Variants in DDX39A observed in about 807,000 individuals in gnomAD.
The protein encoded by DDX39A is ATP-dependent RNA helicase DDX39A.
A neutral mutation model predicts 46.3 loss-of-function variants in DDX39A; 13 were observed. The observed-to-expected ratio is 0.28, with a 90% CI of 0.18 to 0.45. The LOEUF is 0.45. Among genes scored for constraint, DDX39A ranks in the 20% least tolerant of loss-of-function variants. DDX39A has a pLI of 1.00. For missense variants in DDX39A, 352 were observed against 581.8 expected (o/e 0.61, Z 4.06); for synonymous variants, 234 against 224.6 (o/e 1.04, Z -0.38).
rs770362905 is a variant in DDX39A, at chr19:14,409,486, TGG to T, written c.975-41_975-40del. The T allele has an allele frequency of 1.9e-6, 3 of 1,612,072 alleles. No homozygotes were observed. The highest frequency in any genetic ancestry group is 2.5e-6 in the Non-Finnish European group (3 of 1,179,472). On this transcript the variant is annotated intron_variant, in intron 8 of 10. Coordinates refer to ENST00000242776, the MANE Select transcript of DDX39A (RefSeq NM_005804.4). The surrounding 1 kb of genome is among the most constrained non-coding windows in gnomAD (Gnocchi z 8.3). ...GAAACAAGTGGAGGCCGTCAGACAC[TGG>T]GCTCCTGGTGGTGCTCCCTGCAGCC...
At position 14,410,529 on chromosome 19, in the gene DDX39A, G is replaced by A. The variant is rs1976539172; in HGVS notation, c.614-195C>T. ...GTGGCCAGCGAGCGCAGGCGCGGGA[G>A]GAGCTGCAATCCACTTACACGCTGG... On this transcript the variant is annotated intron_variant, in intron 5 of 10. Transcript: ENST00000242776. The surrounding 1 kb of genome is among the most constrained non-coding windows in gnomAD (Gnocchi z 4.3). The A allele has an allele frequency of 3.3e-6, 2 of 602,520 alleles. No homozygotes were observed. The highest frequency in any genetic ancestry group is 3.0e-6 in the Non-Finnish European group (1 of 335,304). The allele number at this position is 602,520 out of a possible 1,614,324, so 37.3% of individuals were successfully genotyped here.
chr19:14,418,490 C>T (rs1032129143), intron 1 of DDX39A, among the ~76,000 whole-genome samples: 2 of 152,144 alleles, frequency 1.3e-5, no homozygotes, highest in Non-Finnish European at 2.9e-5. Flanking sequence ...CAGAATCTCG[C>T]TCTGTCACCC....
rs1278011473 is a variant in DDX39A, at chr19:14,410,029, C to T, written c.733-156G>A. On this transcript the variant is annotated intron_variant, in intron 6 of 10. Coordinates refer to ENST00000242776, the MANE Select transcript of DDX39A (RefSeq NM_005804.4). This position sits in a 1 kb window ranked among gnomAD's most constrained non-coding sequence, Gnocchi z 4.3. ...ACATCGCTCAAAAGCTGGATGTAAG[C>T]TCTGGCCCGACTCAGGTGTGGACCA... is the stretch of plus-strand genomic sequence containing the variant. 1.8e-6 allele frequency: 2 copies of T among 1,133,794 alleles called. No individual in the cohort carries two copies. The highest frequency in any genetic ancestry group is 1.3e-5 in the South Asian group (1 of 79,328). The allele number at this position is 1,133,794 out of a possible 1,614,324, so 70.2% of individuals were successfully genotyped here. A position where few individuals can be genotyped will look rare whatever the true frequency, so the allele number is the denominator to read the frequency against.
Position 14,410,346 on chromosome 19 carries a change from G to C in DDX39A, c.614-12C>G, listed in dbSNP as rs1355932405. On this transcript the variant is annotated splice_polypyrimidine_tract_variant and intron_variant, in intron 5 of 10. Coordinates refer to ENST00000242776, the MANE Select transcript of DDX39A (RefSeq NM_005804.4). The surrounding 1 kb of genome is among the most constrained non-coding windows in gnomAD (Gnocchi z 4.3). ...ATCCCGCCGCATGTCTAGGTGGGGA[G>C]GGCAAGACATGGGTGGGCATGAGCG... is the stretch of plus-strand genomic sequence containing the variant. 4.3e-6 allele frequency: 7 copies of C among 1,611,206 alleles called. No individual in the cohort carries two copies. In the East Asian group the frequency reaches 1.1e-4, roughly 26 times the overall value.
At chr19:14,418,840 G>A (rs1263272409) in intron 1 of DDX39A, 1 of 447,578 alleles carries the variant, frequency 2.2e-6, no homozygotes, top group Non-Finnish European at 4.5e-6. Context: ...GGTAGACTGG[G>A]AAAGGGATCA....
chr19:14,411,670 C>T lies in DDX39A; in HGVS notation c.337-72G>A, dbSNP rs1444781371. On this transcript the variant is annotated intron_variant, in intron 3 of 10. Coordinates refer to ENST00000242776, the MANE Select transcript of DDX39A (RefSeq NM_005804.4). This position sits in a 1 kb window ranked among gnomAD's most constrained non-coding sequence, Gnocchi z 4.1. Reference sequence around the variant, plus strand: ...AACCCCTTCCCCACCAGAGTCCACCCAACCCAGTCCCCCTGACACTGCACC... The same window carrying T: ...AACCCCTTCCCCACCAGAGTCCACCTAACCCAGTCCCCCTGACACTGCACC... 1 of 1,368,474 alleles carries T rather than the reference C, an allele frequency of 7.3e-7. No individual in the cohort carries two copies. Among genetic ancestry groups the T allele is most frequent in the Non-Finnish European group, 1.0e-6 (1 of 970,072 alleles). The allele number at this position is 1,368,474 out of a possible 1,614,324, so 84.8% of individuals were successfully genotyped here.
Position 14,411,478 on chromosome 19 carries a change from C to T in DDX39A, c.429+28G>A. On this transcript the variant is annotated intron_variant, in intron 4 of 10. Coordinates refer to ENST00000242776, the MANE Select transcript of DDX39A (RefSeq NM_005804.4). This position sits in a 1 kb window ranked among gnomAD's most constrained non-coding sequence, Gnocchi z 4.1. ...CAAAGCTGCAGAAACCAAGTGGCGCCTGGTCCAGTCTGGCCCGAGGGACTC... is the reference window on the plus strand; with the variant it reads ...CAAAGCTGCAGAAACCAAGTGGCGCTTGGTCCAGTCTGGCCCGAGGGACTC... The T allele has an allele frequency of 8.1e-6, 13 of 1,595,614 alleles. No individual in the cohort carries two copies. Among genetic ancestry groups the T allele is most frequent in the Non-Finnish European group, 1.1e-5 (13 of 1,163,596 alleles).
chr19:14,413,880 G>T, intron 1 of DDX39A: 1 of 152,658 alleles, frequency 6.6e-6, no homozygotes. Context: ...CTGCACAGGG[G>T]AATAATTAAG....
chr19:14,414,323 G>GTTTTTT (rs201672917), intron 1 of DDX39A, among the ~76,000 whole-genome samples: 98 of 130,750 alleles, frequency 7.5e-4, no homozygotes, highest in African/African-American at 2.8e-3. Context: ...GCTATCACCT[G>GTTTTTT]TTTTATTATT....
chr19:14,410,392 CCCCAGACCAGA>C lies in DDX39A; in HGVS notation c.614-69_614-59del. The C allele has an allele frequency of 6.8e-7, 1 of 1,479,436 alleles. No individual in the cohort carries two copies. Among genetic ancestry groups the C allele is most frequent in the Non-Finnish European group, 9.4e-7 (1 of 1,061,082 alleles). 91.6% of individuals were successfully genotyped at this position (1,479,436 alleles called of 1,614,324 possible). A position where few individuals can be genotyped will look rare whatever the true frequency, so the allele number is the denominator to read the frequency against. ...GAGCGTCTGCCATGCAGGACCCCCA[CCCCAGACCAGA>C]CCCAGACCCCTCCCAACCTGTGCCA... On this transcript the variant is annotated intron_variant, in intron 5 of 10. Coordinates refer to ENST00000242776, the MANE Select transcript of DDX39A (RefSeq NM_005804.4). The surrounding 1 kb of genome is among the most constrained non-coding windows in gnomAD (Gnocchi z 4.3).
At chr19:14,418,820 C>T (rs1389689181) in intron 1 of DDX39A, 3 of 425,496 alleles carry the variant, frequency 7.1e-6, no homozygotes, top group African/African-American at 6.3e-5. Flanking sequence ...AAAAAGTAGA[C>T]CAAGAAGAAG....
At position 14,411,563 on chromosome 19, in the gene DDX39A, C is replaced by T. The variant is rs781689801; in HGVS notation, c.372G>A (p.Leu124=). 6.2e-7 allele frequency: 1 copy of T among 1,614,134 alleles called. No individual in the cohort carries two copies. ...CATATTCCTTGCTGATCTGGAAGGC[C>T]AGCTCCCTCGTGTGGCACATGACCA... is the stretch of plus-strand genomic sequence containing the variant. ...TVLVMCHTRE[L]AFQISKEYER... Residue 124 remains leucine (L), a synonymous_variant, in exon 4 of 11, where the codon CTG becomes CTA. Transcript: ENST00000242776. This position sits in a 1 kb window ranked among gnomAD's most constrained non-coding sequence, Gnocchi z 4.1.
chr19:14,418,631 T>G lies in DDX39A; in HGVS notation c.-5+639A>C, dbSNP rs189404229. Among the ~76,000 whole-genome samples, 62 of 152,040 alleles carry G rather than the reference T, an allele frequency of 4.1e-4. 2 individuals carry two copies. Among genetic ancestry groups the G allele is most frequent in the African/African-American group, 1.4e-3 (60 of 41,486 alleles). ...CGCCACCACGCTCGGCTGATTTTTTTTTGTATTTTGAGTAGAGACGAGGTT... is the reference window on the plus strand; with the variant it reads ...CGCCACCACGCTCGGCTGATTTTTTGTTGTATTTTGAGTAGAGACGAGGTT... On this transcript the variant is annotated intron_variant, in intron 1 of 10. Transcript: ENST00000242776.
rs571813569 is a variant in DDX39A, at chr19:14,419,039, A to G, written c.-5+231T>C. On this transcript the variant is annotated intron_variant, in intron 1 of 10. Transcript: ENST00000242776. The stretch of plus-strand genomic sequence containing the variant: ...GTAGGCCATGACAGCCCCTCCGAGA[A>G]GCGGGCCCCGAGCCCCGAGCACCGC... The G allele has an allele frequency of 3.3e-3, 1,484 of 453,548 alleles. 17 individuals carry two copies. The highest frequency in any genetic ancestry group is 6.2e-3 in the South Asian group (398 of 64,468). The allele number at this position is 453,548 out of a possible 1,614,324, so 28.1% of individuals were successfully genotyped here.
intron 1 of DDX39A, 200 bp downstream of exon 1, chr19:14,419,070 A>T: frequency 2.3e-6 from 1 of 439,188 alleles, no homozygotes; most frequent in Admixed American, 2.6e-5. Flanking sequence ...ACCGCGCGCC[A>T]ACGGCTGGCC....
At chr19:14,416,718 G>A (rs895044632) in intron 1 of DDX39A, among the ~76,000 whole-genome samples, 3 of 152,034 alleles carry the variant, frequency 2.0e-5, no homozygotes, top group East Asian at 1.9e-4. Flanking sequence ...ACAGGGTCTC[G>A]CTCTGTCACC....
At chr19:14,416,260 C>T (rs1239220997) in intron 1 of DDX39A, 2 of 152,454 alleles carry the variant, frequency 1.3e-5, no homozygotes, top group Non-Finnish European at 2.9e-5. Flanking sequence ...TGCCGTGTCT[C>T]AAACACACCT....
Position 14,411,384 on chromosome 19 carries a change from C to T in DDX39A, c.429+122G>A. ...TCAGGCTTTTAAGGAGCAAAAACCA[C>T]CGCAAACCTCAAAGGCAGCTGCCCC... is the stretch of plus-strand genomic sequence containing the variant. On this transcript the variant is annotated intron_variant, in intron 4 of 10. Transcript: ENST00000242776. The surrounding 1 kb of genome is among the most constrained non-coding windows in gnomAD (Gnocchi z 4.1). The T allele has an allele frequency of 3.6e-6, 4 of 1,104,956 alleles. No individual in the cohort carries two copies. The highest frequency in any genetic ancestry group is 5.3e-6 in the Non-Finnish European group (4 of 748,412). The allele number at this position is 1,104,956 out of a possible 1,614,324, so 68.4% of individuals were successfully genotyped here.
Position 14,409,693 on chromosome 19 carries a change from T to G in DDX39A, c.865-48A>C. ...GGGCCACACAGTCCCTGTGGCCCAG[T>G]GACCTCCCGAAGGTCCTGAGCCCCA... On this transcript the variant is annotated intron_variant, in intron 7 of 10. Coordinates refer to ENST00000242776, the MANE Select transcript of DDX39A (RefSeq NM_005804.4). The surrounding 1 kb of genome is among the most constrained non-coding windows in gnomAD (Gnocchi z 8.3). The G allele has an allele frequency of 6.2e-7, 1 of 1,611,594 alleles. No homozygotes were observed. The highest frequency in any genetic ancestry group is 8.5e-7 in the Non-Finnish European group (1 of 1,178,084).
Sources: gnomAD v4.1 joint callset for allele counts (sites outside exome capture counted in the v4.1 genomes callset) on GRCh38, gnomAD v4.1.1 for gene constraint, Gnocchi (gnomAD v3.1) non-coding constraint, MANE v1.5 for transcripts, NCBI Gene and HGNC (gene_info 2026-07-23, HGNC 2026-07-21) for gene names.